Variants in TMEM183A observed in about 807,000 individuals in gnomAD.
The protein encoded by TMEM183A is transmembrane protein 183A.
In TMEM183A, 21 loss-of-function variants were observed where a neutral mutation model predicts 46.7. The observed-to-expected ratio is 0.45, with a 90% confidence interval of 0.32 to 0.65. The LOEUF (loss-of-function observed/expected upper bound fraction) is 0.65, where lower values mean the gene tolerates loss of function less well. TMEM183A is among the 30% of genes least tolerant of loss of function. TMEM183A has a pLI of 0.04. For synonymous variants in TMEM183A, 165 were observed against 180.2 expected (o/e 0.92, Z 0.68); for missense variants, 331 against 481.9 (o/e 0.69, Z 2.93).
intron 2 of TMEM183A, 93 bp from the exon 3 acceptor site, chr1:203,008,550 C>A: frequency 8.7e-7 from 1 of 1,150,650 alleles, no homozygotes; most frequent in East Asian, 2.9e-5. Flanking sequence ...TTTTTTCCCC[C>A]CTTTCCTGAA....
Position 203,023,900 on chromosome 1 carries a change from T to G in TMEM183A, c.*860T>G, listed in dbSNP as rs1259776373. ...TGGTGGTAAAAAGGAGTAGGCAGAG[T>G]GTACATAGATAAAAAAAAGTAAAAG... On this transcript the variant is annotated 3_prime_UTR_variant, in exon 8 of 8. Coordinates refer to ENST00000367242, the MANE Select transcript of TMEM183A (RefSeq NM_138391.6). 2.0e-5 allele frequency: 3 copies of G among 151,958 alleles called. No individual in the cohort carries two copies. The highest frequency in any genetic ancestry group is 6.6e-5 in the Admixed American group (1 of 15,262). The allele number at this position is 151,958 out of a possible 1,614,324, so 9.4% of individuals were successfully genotyped here. A position where few individuals can be genotyped will look rare whatever the true frequency, so the allele number is the denominator to read the frequency against.
At chr1:203,022,748 C>T in intron 7 of TMEM183A, 107 bp from the exon 8 acceptor site, 2 of 1,312,538 alleles carry the variant, frequency 1.5e-6, no homozygotes, top group East Asian at 2.4e-5. Flanking sequence ...AGAGATTAAT[C>T]TTGTGGCCTA....
In TMEM183A at chr1:203,008,775, C is replaced by CCA; in HGVS notation, c.332_333insCA (p.Val112MetfsTer41). The CCA allele has an allele frequency of 1.2e-6, 2 of 1,608,544 alleles. No homozygotes were observed. Among genetic ancestry groups the CCA allele is most frequent in the Non-Finnish European group, 1.7e-6 (2 of 1,177,584 alleles). ...CAGGAGGAAAGCATCCATGAGAGAA[C>CCA]TGTCTCCAGAAAAAAGAAAAGCAAG... On this transcript the variant is annotated frameshift_variant, in exon 3 of 8. Transcript: ENST00000367242. LOFTEE classifies it high-confidence loss of function.
At chr1:203,010,478 G>A (rs1656464213) in intron 3 of TMEM183A, among the ~76,000 whole-genome samples, 1 of 151,978 alleles carries the variant, frequency 6.6e-6, no homozygotes, top group Admixed American at 6.5e-5. Flanking sequence ...AGGGCTGCTC[G>A]ACCAATAAGT....
intron 5 of TMEM183A, chr1:203,017,732 G>A (rs1308060468): frequency 2.0e-6 from 2 of 985,758 alleles, no homozygotes; most frequent in Non-Finnish European, 2.4e-6. Context: ...TTTCGTATTT[G>A]ATTCCCCCTC....
intron 3 of TMEM183A, among the ~76,000 whole-genome samples, 184 bp downstream of exon 3, chr1:203,008,994 C>G (rs1188153914): frequency 6.6e-6 from 1 of 152,056 alleles, no homozygotes; most frequent in Non-Finnish European, 1.5e-5. Context: ...TTTCTTTTTT[C>G]TTTTGTCTGA....
intron 7 of TMEM183A, among the ~76,000 whole-genome samples, chr1:203,022,589 G>A (rs1334232290): frequency 6.6e-6 from 1 of 151,728 alleles, no homozygotes; most frequent in Non-Finnish European, 1.5e-5. Context: ...TATATTCCTA[G>A]CTACTTGGGA....
chr1:203,016,058 A>C lies in TMEM183A; in HGVS notation c.626A>C (p.His209Pro). ...GCTTGTGTGATCCGATCTCTGTACC[A>C]TATGTATGAGCCATTTGCTGCTCGA... ...LRACVIRSLYHMYEPFAARIS... is the reference protein window; with the variant it reads ...LRACVIRSLYPMYEPFAARIS... The change falls in exon 5 of 8, where the codon CAT becomes CCT. Residue 209 changes from histidine (H) to proline (P), a missense_variant. His to Pro is a moderately conservative substitution (Grantham distance 77). Coordinates refer to ENST00000367242, the MANE Select transcript of TMEM183A (RefSeq NM_138391.6). The C allele has an allele frequency of 1.9e-6, 3 of 1,614,184 alleles. No individual in the cohort carries two copies. Among genetic ancestry groups the C allele is most frequent in the Non-Finnish European group, 2.5e-6 (3 of 1,180,006 alleles).
chr1:203,012,022 C>G (rs1225784981), intron 3 of TMEM183A, among the ~76,000 whole-genome samples: 1 of 151,708 alleles, frequency 6.6e-6, no homozygotes. Context: ...CTATTCCCTG[C>G]TTCAACAATG....
At chr1:203,020,760 T>C (rs752543922) in intron 6 of TMEM183A, 33 bp from the exon 7 acceptor site, 126 of 1,613,308 alleles carry the variant, frequency 7.8e-5, no homozygotes, top group Admixed American at 1.3e-4. Context: ...ATGTTTCTTC[T>C]AAGCCATTGG....
In TMEM183A at chr1:203,024,480, A is replaced by ATTTTTTTTT. The variant is rs111906628; in HGVS notation, c.*1445_*1446insTTTTTTTTT. Reference sequence around the variant, plus strand: ...TTGTGAGGCAAACTGCTAAATTCACATTTTTGTTTTTTTTTTTTTACCATC... The same window carrying ATTTTTTTTT: ...TTGTGAGGCAAACTGCTAAATTCACATTTTTTTTTTTTTTGTTTTTTTTTTTTTACCATC... On this transcript the variant is annotated 3_prime_UTR_variant, in exon 8 of 8. Coordinates refer to ENST00000367242, the MANE Select transcript of TMEM183A (RefSeq NM_138391.6). 15 of 143,270 alleles carry ATTTTTTTTT rather than the reference A, an allele frequency of 1.0e-4. 1 individual carries two copies. Among genetic ancestry groups the ATTTTTTTTT allele is most frequent in the Non-Finnish European group, 1.2e-4 (8 of 64,772 alleles). The allele number at this position is 143,270 out of a possible 1,614,324, so 8.9% of individuals were successfully genotyped here. A position where few individuals can be genotyped will look rare whatever the true frequency, so the allele number is the denominator to read the frequency against.
At chr1:203,016,338 G>T in intron 5 of TMEM183A, 198 bp downstream of exon 5, 1 of 658,808 alleles carries the variant, frequency 1.5e-6, no homozygotes, top group Non-Finnish European at 2.5e-6. Context: ...TTACCTTAAA[G>T]CTTTCTGGTG....
chr1:203,017,843 A>G (rs1346564974), intron 5 of TMEM183A: 2 of 985,872 alleles, frequency 2.0e-6, no homozygotes, highest in Non-Finnish European at 2.4e-6. Flanking sequence ...TTTTGATGGA[A>G]CAGCAGGACG....
Position 203,007,823 on chromosome 1 carries a change from A to G in TMEM183A, c.159A>G (p.Gly53=), listed in dbSNP as rs778514078. The change falls in exon 2 of 8, where the codon GGA becomes GGG. Residue 53 remains glycine (G), a synonymous_variant. Transcript: ENST00000367242. The stretch of plus-strand genomic sequence containing the variant: ...CGGATCCGGCGGTCGTGAGGTCTGG[A>G]CGAGTCAAGAAAGCCGTAGCCAACG... ...ANSDPAVVRS[G]RVKKAVANAV... 1 of 1,614,000 alleles carries G rather than the reference A, an allele frequency of 6.2e-7. No homozygotes were observed. Among genetic ancestry groups the G allele is most frequent in the South Asian group, 1.1e-5 (1 of 91,076 alleles).
intron 7 of TMEM183A, among the ~76,000 whole-genome samples, chr1:203,021,759 CA>C (rs1360091673): frequency 6.6e-6 from 1 of 152,192 alleles, no homozygotes. Context: ...CATATTTTTC[CA>C]GGTTTTAAAA....
chr1:203,012,148 T>TCTCTCACACACACACACA (rs1553249434), intron 3 of TMEM183A, among the ~76,000 whole-genome samples: 1 of 79,400 alleles, frequency 1.3e-5, no homozygotes, highest in African/African-American at 5.0e-5. Flanking sequence ...CCCCACTCCA[T>TCTCTCACACACACACACA]CACACACACA....
intron 6 of TMEM183A, 107 bp downstream of exon 6, chr1:203,018,668 G>A (rs782787): frequency 0.37 from 469,622 of 1,284,050 alleles, 89,379 homozygotes; most frequent in Middle Eastern, 0.49. Context: ...ACAGATTCTG[G>A]GTAACTTAAA....
intron 3 of TMEM183A, among the ~76,000 whole-genome samples, chr1:203,011,939 CT>C: frequency 8.2e-6 from 1 of 122,664 alleles, no homozygotes; most frequent in East Asian, 2.3e-4. Context: ...TATTTTTCTT[CT>C]TTTTTTAAAA....
At position 203,013,404 on chromosome 1, in the gene TMEM183A, G is replaced by A. The variant is rs1038367724; in HGVS notation, c.368-1485G>A. Among the ~76,000 whole-genome samples, 6 of 152,118 alleles carry A rather than the reference G, an allele frequency of 3.9e-5. No homozygotes were observed. Among genetic ancestry groups the A allele is most frequent in the Non-Finnish European group, 7.4e-5 (5 of 68,014 alleles). On this transcript the variant is annotated intron_variant, in intron 3 of 7. Transcript: ENST00000367242. This position sits in a 1 kb window ranked among gnomAD's most constrained non-coding sequence, Gnocchi z 4.0. ...ATTCAGGTATCTTTACAAAGCATGT[G>A]TATTACCTGAACCTGAGAAGTATAG...
Sources: allele counts gnomAD v4.1 joint callset (sites outside exome capture counted in the v4.1 genomes callset), GRCh38; gene constraint gnomAD v4.1.1; non-coding constraint Gnocchi (gnomAD v3.1); transcripts MANE v1.5; gene names NCBI Gene and HGNC (gene_info 2026-07-23, HGNC 2026-07-21).